The following PTPN4 variants were observed in gnomAD, a reference collection of about 807,000 sequenced individuals.
PTPN4 encodes the protein protein tyrosine phosphatase non-receptor type 4.
In PTPN4, 49 loss-of-function variants were observed where a neutral mutation model predicts 135.5. The ratio of observed to expected loss-of-function variants is 0.36; its 90% confidence interval spans 0.29 to 0.46. PTPN4 has a LOEUF of 0.46. Among genes scored for constraint, PTPN4 ranks in the 20% least tolerant of loss-of-function variants. The pLI is 1.00. For missense variants in PTPN4, 860 were observed against 1,101.0 expected, an observed-to-expected ratio of 0.78 and a Z score of 3.10; for synonymous variants, 333 against 369.9, an observed-to-expected ratio of 0.90 and a Z score of 1.14.
At chr2:119,863,060 A>G (rs570971323) in intron 3 of PTPN4, among the ~76,000 whole-genome samples, 7 of 152,200 alleles carry the variant, frequency 4.6e-5, no homozygotes, top group African/African-American at 1.7e-4. Flanking sequence ...TTCAATGTCA[A>G]ATTTCCAAAT....
At chr2:119,963,608 G>A (rs1001559223) in intron 24 of PTPN4, among the ~76,000 whole-genome samples, 4 of 152,192 alleles carry the variant, frequency 2.6e-5, no homozygotes, top group African/African-American at 9.6e-5. Flanking sequence ...TGACGAAAAG[G>A]GAAGAAGCCA....
chr2:119,837,952 C>T (rs895586429), intron 2 of PTPN4, among the ~76,000 whole-genome samples: 2 of 152,236 alleles, frequency 1.3e-5, no homozygotes, highest in Non-Finnish European at 2.9e-5. Context: ...CTCGCCCACA[C>T]ACCCCTCGCT....
chr2:119,837,346 C>G (rs979318783), intron 2 of PTPN4, among the ~76,000 whole-genome samples: 2 of 152,096 alleles, frequency 1.3e-5, no homozygotes, highest in African/African-American at 4.8e-5. Flanking sequence ...GAGGGCTGGA[C>G]ACTTGTCGGG....
chr2:119,978,998 T>C lies in PTPN4; in HGVS notation c.*1928T>C, dbSNP rs548825880. The C allele has an allele frequency of 1.0e-3, 155 of 152,262 alleles. No homozygotes were observed. The highest frequency in any genetic ancestry group is 3.4e-3 in the African/African-American group (141 of 41,594). 9.4% of individuals were successfully genotyped at this position (152,262 alleles called of 1,614,324 possible). A position where few individuals can be genotyped will look rare whatever the true frequency, so the allele number is the denominator to read the frequency against. On this transcript the variant is annotated 3_prime_UTR_variant, in exon 27 of 27. Transcript: ENST00000263708. ...AACTTATGTCAAAGAGAAATTCTCT[T>C]AATCTATTTCCTGACTTCACAGTCA...
intron 2 of PTPN4, among the ~76,000 whole-genome samples, chr2:119,837,392 G>A (rs1168594896): frequency 1.3e-5 from 2 of 151,836 alleles, no homozygotes; most frequent in Non-Finnish European, 2.9e-5. Flanking sequence ...CCCACCATAG[G>A]TCTCCTCTCC....
intron 13 of PTPN4, among the ~76,000 whole-genome samples, chr2:119,931,997 G>C (rs1317236117): frequency 6.6e-6 from 1 of 152,164 alleles, no homozygotes; most frequent in Non-Finnish European, 1.5e-5. Context: ...TTTAGTTATA[G>C]AAGCATTCAG....
chr2:119,839,117 G>GT (rs1677342647), intron 2 of PTPN4, among the ~76,000 whole-genome samples: 2 of 152,148 alleles, frequency 1.3e-5, no homozygotes, highest in East Asian at 1.9e-4. Flanking sequence ...TGAATTAAGG[G>GT]TTTTTTCCCC....
intron 1 of PTPN4, among the ~76,000 whole-genome samples, chr2:119,804,079 T>C (rs1691423177): frequency 6.6e-6 from 1 of 152,126 alleles, no homozygotes; most frequent in Admixed American, 6.5e-5. Flanking sequence ...AGCTGGGCCA[T>C]GTACCCCATC....
rs150440905 is a variant in PTPN4 at position 119,875,289 on chromosome 2, T to C, written c.247-2034T>C. On this transcript the variant is annotated intron_variant, in intron 3 of 26. Transcript: ENST00000263708. ...CCTTAACCCTATCTCACTGATATCA[T>C]TGATGAGAGCAATTAAATTTCTCAG... Among the ~76,000 whole-genome samples the C allele has an allele frequency of 9.5e-3, 1,445 of 152,316 alleles. 10 individuals are homozygous for C. The highest frequency in any genetic ancestry group is 0.017 in the Middle Eastern group (5 of 294).
intron 23 of PTPN4, among the ~76,000 whole-genome samples, chr2:119,962,341 C>A (rs960850694): frequency 3.3e-5 from 5 of 151,862 alleles, no homozygotes; most frequent in Non-Finnish European, 7.4e-5. Flanking sequence ...GTAATCCCAG[C>A]TACTTGGGAG....
chr2:119,928,054 G>T (rs922545335), intron 13 of PTPN4, among the ~76,000 whole-genome samples: 7 of 151,968 alleles, frequency 4.6e-5, no homozygotes, highest in Non-Finnish European at 7.4e-5. Flanking sequence ...TCATTATTCA[G>T]GATTTTTCTA....
intron 2 of PTPN4, among the ~76,000 whole-genome samples, chr2:119,821,881 C>G (rs1677072422): frequency 6.6e-6 from 1 of 152,010 alleles, no homozygotes; most frequent in Admixed American, 6.6e-5. Context: ...ATATTGCCTT[C>G]TATTAATATT....
At position 119,966,957 on chromosome 2, in the gene PTPN4, A is replaced by G. The variant is rs568836857; in HGVS notation, c.2559-880A>G. Among the ~76,000 whole-genome samples, 30 of 152,334 alleles carry G rather than the reference A, an allele frequency of 2.0e-4. No individual in the cohort carries two copies. In the South Asian group the frequency reaches 6.0e-3, roughly 30 times the overall value. On this transcript the variant is annotated intron_variant, in intron 25 of 26. Transcript: ENST00000263708. ...AGAGGATATCTTGAGGTATCTCTTT[A>G]TACTTAGACTTTCCAACACACTTTA...
At chr2:119,961,896 G>T (rs1406329398) in intron 23 of PTPN4, among the ~76,000 whole-genome samples, 1 of 152,180 alleles carries the variant, frequency 6.6e-6, no homozygotes, top group Non-Finnish European at 1.5e-5. Flanking sequence ...TGGGGGAACG[G>T]ATGAGGAAGA....
At chr2:119,970,674 A>G (rs1679519232) in intron 26 of PTPN4, among the ~76,000 whole-genome samples, 1 of 152,140 alleles carries the variant, frequency 6.6e-6, no homozygotes, top group African/African-American at 2.4e-5. Context: ...TTCATTGTGT[A>G]TATTTTTACC....
chr2:119,764,326 C>T (rs940006194), intron 1 of PTPN4, among the ~76,000 whole-genome samples: 5 of 152,144 alleles, frequency 3.3e-5, no homozygotes, highest in East Asian at 1.9e-4. Flanking sequence ...AGGAGTTCCC[C>T]GGTGCTTATC....
chr2:119,975,657 G>A (rs1032851766), intron 26 of PTPN4, among the ~76,000 whole-genome samples: 1 of 152,120 alleles, frequency 6.6e-6, no homozygotes, highest in African/African-American at 2.4e-5. Flanking sequence ...CCCGGGAGGA[G>A]GAGGTTGCAG....
chr2:119,884,401 T>A (rs564902395), intron 8 of PTPN4, among the ~76,000 whole-genome samples: 1 of 152,348 alleles, frequency 6.6e-6, no homozygotes, highest in South Asian at 2.1e-4. Context: ...ATGGCCAAGC[T>A]AAATAGTTGC....
chr2:119,932,467 G>A lies in PTPN4; in HGVS notation c.1114G>A (p.Val372Ile). The A allele has an allele frequency of 6.2e-7, 1 of 1,611,320 alleles. No individual in the cohort carries two copies. Among genetic ancestry groups the A allele is most frequent in the Non-Finnish European group, 8.5e-7 (1 of 1,177,784 alleles). ...PLARKLMDWE[V>I]VSRNSISDDR... ...GGCACGGAAATTAATGGATTGGGAA[G>A]TAGTAAGCAGAAATTCAATATCTGA... The change falls in exon 14 of 27, where the codon GTA becomes ATA. Residue 372 changes from valine (V) to isoleucine (I), a missense_variant. Transcript: ENST00000263708.
Sources: gnomAD v4.1 joint callset for allele counts (sites outside exome capture counted in the v4.1 genomes callset) on GRCh38, gnomAD v4.1.1 for gene constraint, MANE v1.5 for transcripts, NCBI Gene and HGNC (gene_info 2026-07-23, HGNC 2026-07-21) for gene names.